FBXL2: variants seen among roughly 807,000 people sequenced by gnomAD.
FBXL2 encodes F-box and leucine rich repeat protein 2.
A neutral mutation model predicts 69.2 loss-of-function variants in FBXL2; 38 were observed. The ratio of observed to expected loss-of-function variants is 0.55; its 90% CI spans 0.42 to 0.72. The LOEUF is 0.72. Among genes scored for constraint, FBXL2 ranks in the 30% least tolerant of loss-of-function variants. FBXL2 has a pLI of 0.00. For missense variants in FBXL2, 354 were observed against 520.3 expected (o/e 0.68, Z 3.11); for synonymous variants, 192 against 201.3 (o/e 0.95, Z 0.39).
intron 2 of FBXL2, among the ~76,000 whole-genome samples, chr3:33,328,528 C>A (rs1433147489): frequency 6.6e-6 from 1 of 151,928 alleles, no homozygotes. Context: ...GAATAGAGAA[C>A]CTAGATATAG....
At chr3:33,383,711 T>A in intron 13 of FBXL2, 2 of 405,796 alleles carry the variant, frequency 4.9e-6, no homozygotes, top group Non-Finnish European at 9.2e-6. Flanking sequence ...AGCAAACCCA[T>A]AACCAAAGGG....
At chr3:33,412,876 A>G in the FBXL2 span, 1 of 1,208,178 alleles carries the variant, frequency 8.3e-7, no homozygotes. Flanking sequence ...CTCCAGCTAA[A>G]ATGCAGGACC....
chr3:33,363,721 T>G (rs193244247), intron 4 of FBXL2, among the ~76,000 whole-genome samples: 26 of 152,314 alleles, frequency 1.7e-4, no homozygotes, highest in Admixed American at 5.2e-4. Flanking sequence ...ATTCCACACA[T>G]ACTCTTTCTT....
Position 33,386,136 on chromosome 3 carries a change from TAGAG to T in FBXL2, c.*530_*533del, listed in dbSNP as rs2043414047. 6.1e-6 allele frequency: 1 copy of T among 163,614 alleles called. No homozygotes were observed. The highest frequency in any genetic ancestry group is 1.4e-5 in the Non-Finnish European group (1 of 73,526). 10.1% of individuals were successfully genotyped at this position (163,614 alleles called of 1,614,324 possible). ...TCATAATGCCTGATAGTTTTATATATAGAGACTTATGTGGAAGGCATGTTAATAG... is the reference window on the plus strand; with the variant it reads ...TCATAATGCCTGATAGTTTTATATATACTTATGTGGAAGGCATGTTAATAG... On this transcript the variant is annotated 3_prime_UTR_variant, in exon 15 of 15. Coordinates refer to ENST00000484457, the MANE Select transcript of FBXL2 (RefSeq NM_012157.5).
At chr3:33,295,093 G>T (rs60653885) in intron 1 of FBXL2, among the ~76,000 whole-genome samples, 14,442 of 151,942 alleles carry the variant, frequency 0.095, 705 homozygotes, top group African/African-American at 0.11. Flanking sequence ...TTTAATCCAG[G>T]TTTTAAAAAT....
At chr3:33,318,680 G>A (rs1366586780) in intron 2 of FBXL2, among the ~76,000 whole-genome samples, 1 of 152,114 alleles carries the variant, frequency 6.6e-6, no homozygotes, top group African/African-American at 2.4e-5. Flanking sequence ...TTCTAAATTA[G>A]TGTAGTTAGA....
chr3:33,345,653 C>A (rs1482601168), intron 2 of FBXL2, among the ~76,000 whole-genome samples: 1 of 152,124 alleles, frequency 6.6e-6, no homozygotes, highest in Non-Finnish European at 1.5e-5. Context: ...CATTCTAAGT[C>A]ATAAAACACT....
the FBXL2 span, among the ~76,000 whole-genome samples, chr3:33,420,679 G>A: frequency 6.6e-6 from 1 of 152,142 alleles, no homozygotes; most frequent in South Asian, 2.1e-4. Context: ...AGTGGAGACA[G>A]GGTTTCACCA....
rs375594954 is a variant in FBXL2 at position 33,319,246 on chromosome 3, G to C, written c.65+21521G>C. On this transcript the variant is annotated intron_variant, in intron 2 of 14. Coordinates refer to ENST00000484457, the MANE Select transcript of FBXL2 (RefSeq NM_012157.5). Reference sequence around the variant, plus strand: ...CCATGGCAAGTTTATCTAACCTAAGGATGATTTTTTTTTTTAGTGAGGACT... The same window carrying C: ...CCATGGCAAGTTTATCTAACCTAAGCATGATTTTTTTTTTTAGTGAGGACT... Among the ~76,000 whole-genome samples the C allele has an allele frequency of 3.3e-5, 5 of 151,736 alleles. No individual in the cohort carries two copies. The South Asian group carries it at 1.0e-3, about 31-fold the overall frequency.
chr3:33,330,152 G>A (rs914754582), intron 2 of FBXL2, among the ~76,000 whole-genome samples: 1 of 151,986 alleles, frequency 6.6e-6, no homozygotes, highest in Non-Finnish European at 1.5e-5. Flanking sequence ...CTGTGGTCTT[G>A]TATGCCTTTA....
intron 2 of FBXL2, among the ~76,000 whole-genome samples, chr3:33,342,741 T>TTTTTTTTG: frequency 7.5e-6 from 1 of 132,760 alleles, no homozygotes; most frequent in Non-Finnish European, 1.6e-5. Flanking sequence ...TTTTTTTTTT[T>TTTTTTTTG]TTGAGACAGA....
At chr3:33,397,064 A>G (rs767838314) in intron 12 of FBXL2, 2 of 1,599,944 alleles carry the variant, frequency 1.3e-6, no homozygotes, top group South Asian at 2.3e-5. Context: ...AGTGAATTAT[A>G]GAGCCGAATT....
intron 2 of FBXL2, among the ~76,000 whole-genome samples, chr3:33,350,006 G>A (rs760488701): frequency 7.9e-5 from 12 of 152,060 alleles, no homozygotes; most frequent in African/African-American, 1.7e-4. Flanking sequence ...AATATTGTCC[G>A]GGAAATGGAA....
At chr3:33,304,911 G>A (rs953551508) in intron 2 of FBXL2, among the ~76,000 whole-genome samples, 2 of 151,918 alleles carry the variant, frequency 1.3e-5, no homozygotes, top group Non-Finnish European at 2.9e-5. Context: ...TTGAGCATCT[G>A]TTCATATGTT....
At chr3:33,382,277 A>G (rs1015338576) in intron 13 of FBXL2, among the ~76,000 whole-genome samples, 1 of 152,056 alleles carries the variant, frequency 6.6e-6, no homozygotes, top group Non-Finnish European at 1.5e-5. Flanking sequence ...TAAAATATAC[A>G]TGTAGAAAAG....
chr3:33,382,776 T>C (rs1191104123), intron 13 of FBXL2: 1 of 152,164 alleles, frequency 6.6e-6, no homozygotes, highest in Non-Finnish European at 1.5e-5. Flanking sequence ...GAAAAACAAT[T>C]GTAACATCAC....
intron 2 of FBXL2, among the ~76,000 whole-genome samples, chr3:33,309,544 T>A (rs201486733): frequency 3.3e-5 from 5 of 151,246 alleles, no homozygotes; most frequent in Non-Finnish European, 7.4e-5. Flanking sequence ...GTTGGGTCTT[T>A]AAAAAAAAAT....
chr3:33,404,937 T>C (rs1385805407), downstream of FBXL2, among the ~76,000 whole-genome samples: 2 of 152,236 alleles, frequency 1.3e-5, no homozygotes, highest in Non-Finnish European at 2.9e-5. Flanking sequence ...CAAGATGCAT[T>C]TCCAATAATA....
At position 33,377,865 on chromosome 3, in the gene FBXL2, T is replaced by C. The variant is rs183027855; in HGVS notation, c.850-238T>C. Among the ~76,000 whole-genome samples the C allele has an allele frequency of 2.8e-4, 42 of 152,338 alleles. No individual in the cohort carries two copies. The Middle Eastern group carries it at 0.01, about 37-fold the overall frequency. On this transcript the variant is annotated intron_variant, in intron 11 of 14. Transcript: ENST00000484457. ...TGGGAAGGTTGTAGACAACTCTCTT[T>C]ACAAGTTGAGAGAAGGAAATGCAGC...
Sources: allele counts gnomAD v4.1 joint callset (sites outside exome capture counted in the v4.1 genomes callset), GRCh38; gene constraint gnomAD v4.1.1; transcripts MANE v1.5; gene names NCBI Gene and HGNC (gene_info 2026-07-23, HGNC 2026-07-21).